ASB11: variants seen among roughly 807,000 people sequenced by gnomAD.
ASB11 encodes ankyrin repeat and SOCS box containing 11.
ASB11 carries 17 observed loss-of-function variants against 20.1 expected under a neutral mutation model. The ratio of observed to expected loss-of-function variants is 0.85; its 90% CI spans 0.58 to 1.27. ASB11 has a LOEUF of 1.27. Among genes scored for constraint, ASB11 ranks in the 50% most tolerant of loss-of-function variants. The pLI is 0.00. For synonymous variants in ASB11, 107 were observed against 105.6 expected (o/e 1.01, Z -0.08); for missense variants, 259 against 256.9 (o/e 1.01, Z -0.06).
At chrX:15,311,196 A>C (rs1921420735) in intron 1 of ASB11, among the ~76,000 whole-genome samples, 1 of 112,626 alleles carries the variant, frequency 8.9e-6, no homozygotes, top group East Asian at 2.8e-4. Flanking sequence ...AGTTAAAATA[A>C]ATATTCTCCA....
intron 1 of ASB11, chrX:15,314,474 T>C (rs747372309): frequency 2.5e-6 from 3 of 1,202,855 alleles, no homozygotes; most frequent in Non-Finnish European, 3.4e-6. Flanking sequence ...TTTTCCCCAG[T>C]TAATTGAAGC....
At chrX:15,306,666 G>A (rs1176464432) in intron 1 of ASB11, among the ~76,000 whole-genome samples, 5 of 110,995 alleles carry the variant, frequency 4.5e-5, no homozygotes, top group Admixed American at 9.7e-5. Context: ...TCACGCCATT[G>A]CACTCCAGCT....
At chrX:15,296,109 C>T (rs1174128752) in intron 3 of ASB11, among the ~76,000 whole-genome samples, 2 of 111,404 alleles carry the variant, frequency 1.8e-5, no homozygotes, top group Non-Finnish European at 3.8e-5. Context: ...ATTAGCTGGA[C>T]GTGGTGGCGG....
intron 1 of ASB11, among the ~76,000 whole-genome samples, chrX:15,314,985 C>CA (rs975460723): frequency 1.8e-5 from 2 of 110,576 alleles, no homozygotes; most frequent in East Asian, 5.6e-4. Flanking sequence ...CAAATGACAG[C>CA]AAAAAAAATA....
intron 6 of ASB11, among the ~76,000 whole-genome samples, chrX:15,284,123 G>C (rs938253789): frequency 2.8e-5 from 3 of 106,839 alleles, no homozygotes. Flanking sequence ...GTGGTGGCGG[G>C]TGCCTATAGT....
intron 5 of ASB11, among the ~76,000 whole-genome samples, chrX:15,288,782 G>A (rs1189366737): frequency 9.1e-6 from 1 of 110,437 alleles, no homozygotes; most frequent in East Asian, 2.8e-4. Context: ...CTACTCCGGC[G>A]GCTAGGGCAG....
intron 6 of ASB11, among the ~76,000 whole-genome samples, chrX:15,285,086 G>A (rs1448682489): frequency 3.6e-5 from 4 of 109,855 alleles, no homozygotes; most frequent in African/African-American, 1.3e-4. Context: ...ATTGTCCAGT[G>A]CCCAGAGACA....
intron 3 of ASB11, among the ~76,000 whole-genome samples, chrX:15,296,294 G>A (rs2147693510): frequency 9.1e-6 from 1 of 109,778 alleles, no homozygotes; most frequent in South Asian, 3.8e-4. Context: ...AAAAGAAAAT[G>A]CACGACCACA....
chrX:15,302,034 G>C (rs924542368), intron 2 of ASB11, among the ~76,000 whole-genome samples: 4 of 111,146 alleles, frequency 3.6e-5, no homozygotes, highest in African/African-American at 1.3e-4. Flanking sequence ...ATGTCACTTC[G>C]GAGATGAGGT....
intron 2 of ASB11, among the ~76,000 whole-genome samples, 196 bp from the exon 3 acceptor site, chrX:15,297,877 A>G (rs1404568264): frequency 3.6e-5 from 4 of 112,237 alleles, no homozygotes; most frequent in Non-Finnish European, 7.5e-5. Flanking sequence ...AATGAAAGCA[A>G]TGTTGTTTCA....
chrX:15,309,167 T>A (rs1921340532), intron 1 of ASB11, among the ~76,000 whole-genome samples: 1 of 110,963 alleles, frequency 9.0e-6, no homozygotes, highest in South Asian at 3.9e-4. Flanking sequence ...TCCACTTGCC[T>A]CGGCCTCCCA....
At chrX:15,293,361 C>T in intron 3 of ASB11, 41 bp from the exon 4 acceptor site, 2 of 1,162,988 alleles carry the variant, frequency 1.7e-6, no homozygotes, top group Non-Finnish European at 1.2e-6. Context: ...TTTGTTATTT[C>T]ATTCTCACCA....
intron 1 of ASB11, among the ~76,000 whole-genome samples, chrX:15,312,894 A>T (rs1252486033): frequency 9.0e-6 from 1 of 111,557 alleles, no homozygotes; most frequent in Non-Finnish European, 1.9e-5. Context: ...GTTGAGGAGG[A>T]TTTATTGTTT....
rs1464151547 is a variant in ASB11 at position 15,292,232 on chromosome X, C to T, written c.520+938G>A. On this transcript the variant is annotated intron_variant, in intron 4 of 6. Coordinates refer to ENST00000480796, the MANE Select transcript of ASB11 (RefSeq NM_080873.3). Reference sequence around the variant, plus strand: ...GTCTTTTGCATCATTTAAAGTAATCCACTGGAAAAAATTGGCAAGTGACAT... The same window carrying T: ...GTCTTTTGCATCATTTAAAGTAATCTACTGGAAAAAATTGGCAAGTGACAT... 1.2e-4 allele frequency among the ~76,000 whole-genome samples: 13 copies of T among 111,314 alleles called. No individual in the cohort carries two copies. In the Admixed American group the frequency reaches 1.2e-3, roughly 11 times the overall value.
intron 4 of ASB11, 56 bp downstream of exon 4, chrX:15,293,114 A>G: frequency 3.4e-6 from 4 of 1,172,206 alleles, no homozygotes; most frequent in Non-Finnish European, 4.6e-6. Flanking sequence ...CCATTGATTC[A>G]TACAGATTGG....
rs753567517 is a variant in ASB11 at position 15,297,650 on chromosome X, C to T, written c.293G>A (p.Arg98Gln). 11 of 1,208,466 alleles carry T rather than the reference C, an allele frequency of 9.1e-6. No individual in the cohort carries two copies. Among genetic ancestry groups the T allele is most frequent in the East Asian group, 5.9e-5 (2 of 33,676 alleles). ...GCATGCCTCGTGGAGAGAAGACACCCGGTTAATTGTCACAAGGTTCACATT... is the reference window on the plus strand; with the variant it reads ...GCATGCCTCGTGGAGAGAAGACACCTGGTTAATTGTCACAAGGTTCACATT... ...GVNVNLVTIN[R>Q]VSSLHEACLG... The change falls in exon 3 of 7, where the codon CGG becomes CAG. Residue 98 changes from arginine to glutamine, a missense_variant. Transcript: ENST00000480796.
At position 15,284,706 on chromosome X, in the gene ASB11, G is replaced by C. The variant is rs1927323737; in HGVS notation, c.848-1077C>G. 1.8e-5 allele frequency among the ~76,000 whole-genome samples: 2 copies of C among 111,826 alleles called. 1 individual carries two copies. The highest frequency in any genetic ancestry group is 6.5e-5 in the African/African-American group (2 of 30,775). On this transcript the variant is annotated intron_variant, in intron 6 of 6. Transcript: ENST00000480796. ...CCTTAAGGAAAATCAGCTGATGAGA[G>C]TCCAGAATATGGTTGAATAGGATGA... is the stretch of plus-strand genomic sequence containing the variant.
chrX:15,289,795 C>T (rs778405956), intron 4 of ASB11, among the ~76,000 whole-genome samples, 157 bp from the exon 5 acceptor site: 36 of 111,412 alleles, frequency 3.2e-4, no homozygotes, highest in Non-Finnish European at 1.3e-4. Flanking sequence ...AGGCTGAGAC[C>T]GGCGGATTCC....
chrX:15,287,248 G>C (rs146003151), intron 6 of ASB11, among the ~76,000 whole-genome samples: 1,466 of 113,007 alleles, frequency 0.013, 9 homozygotes, highest in Middle Eastern at 0.023. Context: ...TTACAAAGCA[G>C]AGTTTTGGTT....
Sources: gnomAD v4.1 joint callset for allele counts (sites outside exome capture counted in the v4.1 genomes callset) on GRCh38, gnomAD v4.1.1 for gene constraint, MANE v1.5 for transcripts, NCBI Gene and HGNC (gene_info 2026-07-23, HGNC 2026-07-21) for gene names.